WWC2: variants seen among roughly 807,000 people sequenced by gnomAD.
WWC2 encodes protein WWC2.
In WWC2, 101 loss-of-function variants were observed where a neutral mutation model predicts 138.5. That is an observed-to-expected ratio of 0.73 (90% CI 0.62 to 0.86). WWC2 has a LOEUF of 0.86. Among genes scored for constraint, WWC2 ranks in the 40% least tolerant of loss-of-function variants. The pLI, the probability that WWC2 is intolerant of heterozygous loss-of-function variation, is 0.00. For synonymous variants in WWC2, 558 were observed against 538.4 expected (o/e 1.04, Z -0.50); for missense variants, 1,420 against 1,419.4 (o/e 1.00, Z -0.01).
intron 11 of WWC2, among the ~76,000 whole-genome samples, chr4:183,264,017 T>C (rs897789180): frequency 6.6e-6 from 1 of 152,190 alleles, no homozygotes; most frequent in Non-Finnish European, 1.5e-5. Flanking sequence ...TCAAAGTCAA[T>C]TTCAGGCTGC....
intron 4 of WWC2, among the ~76,000 whole-genome samples, chr4:183,215,117 C>T (rs1735719281): frequency 6.6e-6 from 1 of 152,174 alleles, no homozygotes; most frequent in South Asian, 2.1e-4. Flanking sequence ...ACTGTTTTCT[C>T]CTATACAGCC....
At chr4:183,247,104 A>G (rs1245218259) in intron 6 of WWC2, among the ~76,000 whole-genome samples, 4 of 152,160 alleles carry the variant, frequency 2.6e-5, no homozygotes, top group African/African-American at 9.6e-5. Flanking sequence ...AACCTCTTTG[A>G]CCACAGTAAG....
intron 1 of WWC2, among the ~76,000 whole-genome samples, chr4:183,110,321 G>C (rs565228847): frequency 6.6e-6 from 1 of 152,052 alleles, no homozygotes; most frequent in Admixed American, 6.5e-5. Context: ...GTGGCATATT[G>C]ATAATATTTA....
intron 1 of WWC2, among the ~76,000 whole-genome samples, chr4:183,127,670 CTA>C (rs1457615165): frequency 6.6e-6 from 1 of 152,076 alleles, no homozygotes; most frequent in Non-Finnish European, 1.5e-5. Context: ...GGGGGAATAA[CTA>C]TGCAAGATAA....
At chr4:183,120,322 A>ATTCTTG (rs1362416025) in intron 1 of WWC2, among the ~76,000 whole-genome samples, 1 of 152,238 alleles carries the variant, frequency 6.6e-6, no homozygotes, top group Non-Finnish European at 1.5e-5. Flanking sequence ...TTGTTAACAA[A>ATTCTTG]GAAAGATGTA....
intron 4 of WWC2, among the ~76,000 whole-genome samples, chr4:183,217,924 A>G (rs1735802636): frequency 1.4e-5 from 2 of 145,014 alleles, no homozygotes; most frequent in Non-Finnish European, 3.2e-5. Flanking sequence ...AGGCAGAATG[A>G]AAAAAAAAGA....
chr4:183,261,423 C>A lies in WWC2; in HGVS notation c.1800C>A (p.Ile600=), dbSNP rs146160943. The change falls in exon 11 of 23, where the codon ATC becomes ATA. Residue 600 remains isoleucine, a synonymous_variant. Coordinates refer to ENST00000403733, the MANE Select transcript of WWC2 (RefSeq NM_024949.6). ...LSSHFADISL[I]ENQILLDSDS... ...GCCATTTTGCAGATATCAGCCTCATCGAAAATCAGATTTTGCTGGATTCTG... is the reference window on the plus strand; with the variant it reads ...GCCATTTTGCAGATATCAGCCTCATAGAAAATCAGATTTTGCTGGATTCTG... 67 of 1,612,370 alleles carry A rather than the reference C, an allele frequency of 4.2e-5. No individual in the cohort carries two copies. Among genetic ancestry groups the A allele is most frequent in the Non-Finnish European group, 5.3e-5 (63 of 1,179,206 alleles).
intron 5 of WWC2, among the ~76,000 whole-genome samples, chr4:183,243,737 C>CTGTGTGTGTGTGTGTGTG (rs56654737): frequency 7.7e-6 from 1 of 129,920 alleles, no homozygotes; most frequent in Non-Finnish European, 1.6e-5. Flanking sequence ...ATTCTAAACA[C>CTGTGTGTGTGTGTGTGTG]TGTGTGTGTG....
intron 17 of WWC2, chr4:183,281,127 G>T: frequency 3.9e-6 from 2 of 514,236 alleles, no homozygotes; most frequent in Non-Finnish European, 6.2e-6. Context: ...CTTGTTTCGA[G>T]TAATTTTAAA....
At chr4:183,114,029 T>C (rs1047580963) in intron 1 of WWC2, among the ~76,000 whole-genome samples, 1 of 152,130 alleles carries the variant, frequency 6.6e-6, no homozygotes, top group Non-Finnish European at 1.5e-5. Context: ...AATCCAAAGT[T>C]CTGTTTCCGA....
At chr4:183,214,622 G>A (rs1735700103) in intron 4 of WWC2, among the ~76,000 whole-genome samples, 1 of 151,764 alleles carries the variant, frequency 6.6e-6, no homozygotes, top group Admixed American at 6.6e-5. Flanking sequence ...GAGAAACCCC[G>A]TCTCTACTAA....
rs35002790 is a variant in WWC2, at chr4:183,154,002, CAAAAA to C, written c.132-39575_132-39571del. On this transcript the variant is annotated intron_variant, in intron 1 of 22. Coordinates refer to ENST00000403733, the MANE Select transcript of WWC2 (RefSeq NM_024949.6). ...ACAGTGAATTGCTGGCTTTAAAAAG[CAAAAA>C]AAAAAAAAAAAAAAAAAAAAACCCC... is the stretch of plus-strand genomic sequence containing the variant. Among the ~76,000 whole-genome samples, 624 of 71,724 alleles carry C rather than the reference CAAAAA, an allele frequency of 8.7e-3. 7 individuals carry two copies. Among genetic ancestry groups the C allele is most frequent in the African/African-American group, 0.029 (512 of 17,448 alleles). The allele number at this position is 71,724 out of a possible 152,430, so 47.1% of individuals were successfully genotyped here.
At chr4:183,308,535 G>A (rs1560898315) in intron 21 of WWC2, among the ~76,000 whole-genome samples, 1 of 152,090 alleles carries the variant, frequency 6.6e-6, no homozygotes, top group African/African-American at 2.4e-5. Context: ...AGAACAGAGA[G>A]CCTAGAAATA....
chr4:183,320,079 G>T lies in WWC2; in HGVS notation c.*4350G>T, dbSNP rs375596944. The T allele has an allele frequency of 5.0e-5, 80 of 1,614,082 alleles. No individual in the cohort carries two copies. In the African/African-American group the frequency reaches 9.6e-4, roughly 19 times the overall value. ...GACACAGGTTTGCCAGAGTCCCATG[G>T]TCCAGTTTTCCATTTCATTTAAGTC... On this transcript the variant is annotated 3_prime_UTR_variant, in exon 23 of 23. Transcript: ENST00000403733.
At chr4:183,313,387 C>T (rs1330751350) in intron 22 of WWC2, among the ~76,000 whole-genome samples, 3 of 151,980 alleles carry the variant, frequency 2.0e-5, no homozygotes, top group East Asian at 1.9e-4. Flanking sequence ...TGGGGAGAAG[C>T]GGGTAAGGGT....
chr4:183,250,591 C>G (rs933680393), intron 8 of WWC2, among the ~76,000 whole-genome samples: 1 of 151,970 alleles, frequency 6.6e-6, no homozygotes, highest in Non-Finnish European at 1.5e-5. Context: ...TAAGAAACTT[C>G]CGTCTCAACA....
Position 183,137,481 on chromosome 4 carries a change from T to C in WWC2, c.131+37859T>C, listed in dbSNP as rs75904048. On this transcript the variant is annotated intron_variant, in intron 1 of 22. Coordinates refer to ENST00000403733, the MANE Select transcript of WWC2 (RefSeq NM_024949.6). ...GGACCATCAAGATATTCCTAGGTGATAGGCATTTCTCAGCTTCTTTGGAAT... is the reference window on the plus strand; with the variant it reads ...GGACCATCAAGATATTCCTAGGTGACAGGCATTTCTCAGCTTCTTTGGAAT... 4.3e-3 allele frequency among the ~76,000 whole-genome samples: 654 copies of C among 152,210 alleles called. 4 individuals carry two copies. Among genetic ancestry groups the C allele is most frequent in the African/African-American group, 0.015 (636 of 41,544 alleles).
At chr4:183,157,038 A>C (rs1173611773) in intron 1 of WWC2, among the ~76,000 whole-genome samples, 1 of 152,050 alleles carries the variant, frequency 6.6e-6, no homozygotes, top group Non-Finnish European at 1.5e-5. Context: ...CACTATAATG[A>C]TCTATATATT....
At chr4:183,183,011 T>C (rs1246426965) in intron 1 of WWC2, among the ~76,000 whole-genome samples, 1 of 152,172 alleles carries the variant, frequency 6.6e-6, no homozygotes, top group Non-Finnish European at 1.5e-5. Flanking sequence ...CATTAGGCAT[T>C]GTGCTAGAGA....
Sources: gnomAD v4.1 joint callset for allele counts (sites outside exome capture counted in the v4.1 genomes callset) on GRCh38, gnomAD v4.1.1 for gene constraint, MANE v1.5 for transcripts, NCBI Gene and HGNC (gene_info 2026-07-23, HGNC 2026-07-21) for gene names.